The following GLIS3 variants were observed in gnomAD, a reference collection of about 807,000 sequenced individuals.
GLIS3 encodes the protein zinc finger protein GLIS3.
GLIS3 carries 53 observed loss-of-function variants against 78.6 expected under a neutral mutation model. The observed-to-expected ratio is 0.67, with a 90% CI of 0.54 to 0.85. The LOEUF (loss-of-function observed/expected upper bound fraction) is 0.85. GLIS3 is among the 40% of genes least tolerant of loss of function. GLIS3 has a pLI of 0.00. For missense variants in GLIS3, 1,703 were observed against 1,231.1 expected, an observed-to-expected ratio of 1.38 and a Z score of -5.74; for synonymous variants, 684 against 509.9, an observed-to-expected ratio of 1.34 and a Z score of -4.60.
intron 2 of GLIS3, among the ~76,000 whole-genome samples, chr9:4,345,323 G>T (rs1167138329): frequency 6.6e-6 from 1 of 152,032 alleles, no homozygotes; most frequent in Non-Finnish European, 1.5e-5. Context: ...CTTCTATAAT[G>T]ACCCCACTTA....
intron 4 of GLIS3, among the ~76,000 whole-genome samples, chr9:3,997,670 C>T (rs1337614276): frequency 6.6e-6 from 1 of 151,294 alleles, no homozygotes; most frequent in Non-Finnish European, 1.5e-5. Flanking sequence ...ACTATCTCTG[C>T]AGGAATAAAA....
intron 2 of GLIS3, among the ~76,000 whole-genome samples, chr9:4,245,652 T>C (rs1823740526): frequency 6.6e-6 from 1 of 152,242 alleles, no homozygotes; most frequent in Non-Finnish European, 1.5e-5. Flanking sequence ...GAAAGGATTG[T>C]TTTGAAAACT....
chr9:3,878,052 G>A (rs1821439048), intron 8 of GLIS3, among the ~76,000 whole-genome samples: 1 of 152,030 alleles, frequency 6.6e-6, no homozygotes, highest in Non-Finnish European at 1.5e-5. Context: ...CCAAGCTACT[G>A]AGACCGTCCC....
chr9:4,067,228 A>G (rs1330304823), intron 4 of GLIS3, among the ~76,000 whole-genome samples: 1 of 151,614 alleles, frequency 6.6e-6, no homozygotes, highest in Non-Finnish European at 1.5e-5. Context: ...ATATTACTTT[A>G]AAGTATAATA....
At chr9:4,304,157 T>C (rs1008976029), upstream of GLIS3, among the ~76,000 whole-genome samples, 1 of 152,230 alleles carries the variant, frequency 6.6e-6, no homozygotes, top group East Asian at 1.9e-4. Flanking sequence ...CTCATTGTTA[T>C]GTATGTGTAT....
chr9:4,426,687 C>A, the GLIS3 span, among the ~76,000 whole-genome samples: 1 of 152,216 alleles, frequency 6.6e-6, no homozygotes, highest in African/African-American at 2.4e-5. Flanking sequence ...CCTTTGAGGT[C>A]TGAAACTAGA....
intron 7 of GLIS3, among the ~76,000 whole-genome samples, chr9:3,890,749 AACAACAACAACAAC>A (rs1430212705): frequency 6.7e-6 from 1 of 148,690 alleles, no homozygotes; most frequent in Non-Finnish European, 1.5e-5. Flanking sequence ...AAACAAACCA[AACAACAACAACAAC>A]ACAACAACAA....
At chr9:3,966,893 G>A (rs1174758449) in intron 4 of GLIS3, among the ~76,000 whole-genome samples, 2 of 150,920 alleles carry the variant, frequency 1.3e-5, no homozygotes, top group Admixed American at 6.6e-5. Context: ...ATTAACTGAG[G>A]TCTGCAACTC....
chr9:4,023,038 T>A (rs919661556), intron 4 of GLIS3, among the ~76,000 whole-genome samples: 8 of 152,206 alleles, frequency 5.3e-5, no homozygotes, highest in African/African-American at 1.9e-4. Flanking sequence ...CATTGCATTC[T>A]CTCTCTAAAA....
chr9:3,849,576 T>G (rs1438159303), intron 9 of GLIS3, among the ~76,000 whole-genome samples: 1 of 152,154 alleles, frequency 6.6e-6, no homozygotes, highest in African/African-American at 2.4e-5. Flanking sequence ...TCTGTGAGGC[T>G]CCTTCTCCAC....
chr9:3,952,317 T>G (rs1249885187), intron 4 of GLIS3, among the ~76,000 whole-genome samples: 1 of 152,170 alleles, frequency 6.6e-6, no homozygotes, highest in Non-Finnish European at 1.5e-5. Flanking sequence ...CTCTCTACTC[T>G]TCCGCTTCCT....
At chr9:4,190,165 G>A (rs1394355563) in intron 2 of GLIS3, among the ~76,000 whole-genome samples, 2 of 152,184 alleles carry the variant, frequency 1.3e-5, no homozygotes, top group African/African-American at 2.4e-5. Context: ...CACCAGCAAC[G>A]GAACAAAGCT....
At chr9:4,106,853 T>A (rs1265723360) in intron 4 of GLIS3, among the ~76,000 whole-genome samples, 1 of 152,074 alleles carries the variant, frequency 6.6e-6, no homozygotes, top group Admixed American at 6.6e-5. Flanking sequence ...CATGAAGACA[T>A]CACACACACT....
the GLIS3 span, among the ~76,000 whole-genome samples, chr9:4,441,054 A>G: frequency 0.38 from 57,960 of 151,944 alleles, 11,286 homozygotes; most frequent in Middle Eastern, 0.53. Flanking sequence ...GCTTTTTGGC[A>G]CAGTCTTTAG....
the GLIS3 span, among the ~76,000 whole-genome samples, chr9:4,357,307 G>A: frequency 6.6e-6 from 1 of 152,140 alleles, no homozygotes. Context: ...CCCAAGTGTG[G>A]GTGGGCCTCA....
chr9:4,459,437 A>G, the GLIS3 span, among the ~76,000 whole-genome samples: 2 of 152,158 alleles, frequency 1.3e-5, no homozygotes, highest in African/African-American at 4.8e-5. Context: ...ACGAGGGAAA[A>G]CGAGAGTGGT....
chr9:3,882,393 C>T (rs1349682050), intron 7 of GLIS3, among the ~76,000 whole-genome samples: 4 of 152,156 alleles, frequency 2.6e-5, no homozygotes, highest in South Asian at 2.1e-4. Flanking sequence ...AGATACCCAA[C>T]ATCAGGGTAT....
At chr9:4,129,945 G>C in intron 2 of GLIS3, among the ~76,000 whole-genome samples, 1 of 152,226 alleles carries the variant, frequency 6.6e-6, no homozygotes, top group East Asian at 1.9e-4. Context: ...AGTCCAGGCT[G>C]AGGAGGTCTC....
At position 4,166,020 on chromosome 9, in the gene GLIS3, G is replaced by A. The variant is rs543907354; in HGVS notation, c.389-40079C>T. ...TATTTAACAGGACAGGTTCTGAGGC[G>A]AGAGACCAGGTGCCTTCAAAGCCTG... On this transcript the variant is annotated intron_variant, in intron 2 of 10. Coordinates refer to ENST00000381971, the MANE Select transcript of GLIS3 (RefSeq NM_001042413.2). Among the ~76,000 whole-genome samples the A allele has an allele frequency of 2.0e-5, 3 of 152,286 alleles. No homozygotes were observed. The East Asian group carries it at 5.8e-4, about 29-fold the overall frequency.
Sources: gnomAD v4.1 joint callset for allele counts (sites outside exome capture counted in the v4.1 genomes callset) on GRCh38, gnomAD v4.1.1 for gene constraint, MANE v1.5 for transcripts, NCBI Gene and HGNC (gene_info 2026-07-23, HGNC 2026-07-21) for gene names.